The following CREB5 variants were observed in gnomAD, a reference collection of about 807,000 sequenced individuals.
CREB5 encodes cyclic AMP-responsive element-binding protein 5.
CREB5 carries 19 observed loss-of-function variants against 57.1 expected under a neutral mutation model. The ratio of observed to expected loss-of-function variants is 0.33; its 90% CI spans 0.23 to 0.49. The LOEUF is 0.49. Among genes scored for constraint, CREB5 ranks in the 20% least tolerant of loss-of-function variants. The pLI, the probability that CREB5 is intolerant of heterozygous loss-of-function variation, is 0.99. For synonymous variants in CREB5, 238 were observed against 238.3 expected (o/e 1.00, Z 0.01); for missense variants, 579 against 671.6 (o/e 0.86, Z 1.52).
At chr7:28,402,322 T>C (rs1007600797) in intron 1 of CREB5, among the ~76,000 whole-genome samples, 5 of 152,116 alleles carry the variant, frequency 3.3e-5, no homozygotes, top group Non-Finnish European at 7.4e-5. Context: ...AACCCTCTAC[T>C]TGAAAGTTCA....
intron 7 of CREB5, among the ~76,000 whole-genome samples, chr7:28,764,707 A>G (rs1433304623): frequency 6.6e-6 from 1 of 152,246 alleles, no homozygotes; most frequent in African/African-American, 2.4e-5. Flanking sequence ...TGGATTGACT[A>G]TCAGATTTTT....
At chr7:28,780,362 C>T (rs1284556763) in intron 7 of CREB5, among the ~76,000 whole-genome samples, 1 of 152,180 alleles carries the variant, frequency 6.6e-6, no homozygotes, top group Non-Finnish European at 1.5e-5. Flanking sequence ...GAGGAAATAG[C>T]CTTTAACTAA....
chr7:28,300,473 T>C (rs1327240348), intron 1 of CREB5, among the ~76,000 whole-genome samples: 2 of 152,240 alleles, frequency 1.3e-5, no homozygotes, highest in Non-Finnish European at 2.9e-5. Flanking sequence ...TCTACAGTTA[T>C]TGAACATGTC....
At chr7:28,696,755 TAC>T (rs1801585520) in intron 5 of CREB5, among the ~76,000 whole-genome samples, 1 of 144,084 alleles carries the variant, frequency 6.9e-6, no homozygotes, top group South Asian at 2.3e-4. Flanking sequence ...ATACACACAC[TAC>T]ATACACACAT....
chr7:28,301,772 T>A (rs185561503), intron 1 of CREB5, among the ~76,000 whole-genome samples: 45 of 152,364 alleles, frequency 3.0e-4, no homozygotes, highest in Admixed American at 5.2e-4. Flanking sequence ...TTGTTTTGTT[T>A]AGCTCAGAGG....
chr7:28,751,774 A>T (rs1804987258), intron 7 of CREB5, among the ~76,000 whole-genome samples: 1 of 152,122 alleles, frequency 6.6e-6, no homozygotes, highest in South Asian at 2.1e-4. Flanking sequence ...TTCAGACTTT[A>T]TTCATATTTC....
chr7:28,784,363 GGA>G (rs1288921798), intron 7 of CREB5, among the ~76,000 whole-genome samples: 4 of 151,742 alleles, frequency 2.6e-5, no homozygotes, highest in African/African-American at 9.7e-5. Context: ...ACAGCCAGCT[GGA>G]GTGCAATCAA....
At chr7:28,364,655 C>G (rs1786552924) in intron 1 of CREB5, among the ~76,000 whole-genome samples, 1 of 152,154 alleles carries the variant, frequency 6.6e-6, no homozygotes, top group African/African-American at 2.4e-5. Flanking sequence ...CTCTCCTATC[C>G]TCAGGCTCCT....
chr7:28,601,753 A>C lies in CREB5; in HGVS notation c.464+31216A>C, dbSNP rs541906849. Among the ~76,000 whole-genome samples the C allele has an allele frequency of 1.7e-3, 265 of 152,346 alleles. 1 individual carries two copies. The highest frequency in any genetic ancestry group is 6.1e-3 in the African/African-American group (253 of 41,586). On this transcript the variant is annotated intron_variant, in intron 5 of 10. Coordinates refer to ENST00000357727, the MANE Select transcript of CREB5 (RefSeq NM_182898.4). ...AAGTGGCTGAAAAAGTAAGCAAGGC[A>C]GATCAAAACCACTCAGCAGTCTTGG...
chr7:28,412,042 G>A (rs1009912108), upstream of CREB5, among the ~76,000 whole-genome samples: 1 of 152,164 alleles, frequency 6.6e-6, no homozygotes, highest in Non-Finnish European at 1.5e-5. Context: ...TATTCAAACT[G>A]TTACCTCTGA....
At chr7:28,507,970 GTTTTAC>G (rs2128607019) in intron 4 of CREB5, among the ~76,000 whole-genome samples, 1 of 152,248 alleles carries the variant, frequency 6.6e-6, no homozygotes, top group South Asian at 2.1e-4. Flanking sequence ...TCAATCAGCT[GTTTTAC>G]TTTGCTAAGT....
chr7:28,392,733 T>C (rs902788859), intron 1 of CREB5, among the ~76,000 whole-genome samples: 2 of 152,248 alleles, frequency 1.3e-5, no homozygotes, highest in Admixed American at 6.5e-5. Context: ...TTTATACATA[T>C]AGAAAAGGAG....
At chr7:28,679,634 C>A (rs1180639695) in intron 5 of CREB5, among the ~76,000 whole-genome samples, 1 of 152,324 alleles carries the variant, frequency 6.6e-6, no homozygotes, top group East Asian at 1.9e-4. Flanking sequence ...CTTGGAAAAT[C>A]TTCCTGGTCA....
At chr7:28,392,348 G>A (rs1787235406) in intron 1 of CREB5, among the ~76,000 whole-genome samples, 1 of 152,170 alleles carries the variant, frequency 6.6e-6, no homozygotes, top group African/African-American at 2.4e-5. Flanking sequence ...CTAAGGGACT[G>A]CTCTAAGCCT....
intron 1 of CREB5, among the ~76,000 whole-genome samples, chr7:28,464,200 T>C (rs1283572012): frequency 6.6e-6 from 1 of 152,210 alleles, no homozygotes; most frequent in African/African-American, 2.4e-5. Flanking sequence ...TGGTATATAA[T>C]CCTTTTTATA....
chr7:28,801,141 C>G (rs1808338219), intron 7 of CREB5, among the ~76,000 whole-genome samples: 1 of 152,090 alleles, frequency 6.6e-6, no homozygotes, highest in Non-Finnish European at 1.5e-5. Context: ...AAGCAAGATA[C>G]AAAACTATGT....
chr7:28,551,497 T>C (rs1794640723), intron 4 of CREB5, among the ~76,000 whole-genome samples: 1 of 152,216 alleles, frequency 6.6e-6, no homozygotes, highest in South Asian at 2.1e-4. Flanking sequence ...TAACCCTTTT[T>C]GTGTTTTAAC....
At chr7:28,466,154 G>A (rs921992591) in intron 1 of CREB5, among the ~76,000 whole-genome samples, 12 of 134,046 alleles carry the variant, frequency 9.0e-5, no homozygotes, top group Non-Finnish European at 1.7e-4. Context: ...GGTCTTTCTA[G>A]TAAATTCCAT....
chr7:28,592,497 G>T (rs1353741573), intron 5 of CREB5, among the ~76,000 whole-genome samples: 2 of 152,190 alleles, frequency 1.3e-5, no homozygotes, highest in Non-Finnish European at 2.9e-5. Flanking sequence ...GATTTTGGAT[G>T]AGGGAGCAAG....
Sources: gnomAD v4.1 joint callset for allele counts (sites outside exome capture counted in the v4.1 genomes callset) on GRCh38, gnomAD v4.1.1 for gene constraint, MANE v1.5 for transcripts, NCBI Gene and HGNC (gene_info 2026-07-23, HGNC 2026-07-21) for gene names.